Variants in DIS3L2 observed in about 807,000 individuals in gnomAD.
The protein encoded by DIS3L2 is DIS3 like 3'-5' exoribonuclease 2, also known as DIS3-like exonuclease 2.
Under a neutral mutation model 97.5 loss-of-function variants are expected in DIS3L2, and 34 were observed. That is an observed-to-expected ratio of 0.35 (90% CI 0.27 to 0.46). The LOEUF is 0.46. Among genes scored for constraint, DIS3L2 ranks in the 20% least tolerant of loss-of-function variants. The probability of loss-of-function intolerance (pLI) is 1.00; values close to 1 mark genes in which losing one functional copy is unlikely to be tolerated. For missense variants in DIS3L2, 1,038 were observed against 1,146.0 expected, an observed-to-expected ratio of 0.91 and a Z score of 1.36; for synonymous variants, 435 against 445.2, an observed-to-expected ratio of 0.98 and a Z score of 0.29.
intron 5 of DIS3L2, among the ~76,000 whole-genome samples, chr2:232,035,395 T>C (rs1694923297): frequency 6.6e-6 from 1 of 152,234 alleles, no homozygotes; most frequent in Admixed American, 6.5e-5. Context: ...TGTGTGTCTC[T>C]GCACGTGAGA....
At chr2:231,995,790 T>A (rs1184713219) in intron 1 of DIS3L2, among the ~76,000 whole-genome samples, 9 of 152,202 alleles carry the variant, frequency 5.9e-5, no homozygotes. Context: ...ATTCAATAAT[T>A]CAGTATCAGG....
At chr2:232,070,936 C>T (rs1695998552) in intron 5 of DIS3L2, among the ~76,000 whole-genome samples, 1 of 152,076 alleles carries the variant, frequency 6.6e-6, no homozygotes, top group Non-Finnish European at 1.5e-5. Flanking sequence ...AGAGAGGGCA[C>T]ATGTTACAGA....
intron 10 of DIS3L2, among the ~76,000 whole-genome samples, chr2:232,227,009 C>A (rs1221683363): frequency 3.3e-5 from 5 of 151,472 alleles, no homozygotes; most frequent in South Asian, 2.1e-4. Flanking sequence ...CAAAAAAAAA[C>A]CCAGGAAATT....
At chr2:232,091,900 A>G (rs1015571955) in intron 6 of DIS3L2, among the ~76,000 whole-genome samples, 1 of 152,172 alleles carries the variant, frequency 6.6e-6, no homozygotes, top group African/African-American at 2.4e-5. Context: ...CTGATCATCA[A>G]TGATGTTGAG....
At chr2:232,323,036 G>A (rs1695479169) in intron 14 of DIS3L2, among the ~76,000 whole-genome samples, 1 of 152,258 alleles carries the variant, frequency 6.6e-6, no homozygotes, top group Non-Finnish European at 1.5e-5. Flanking sequence ...GACTCCCCCA[G>A]GTGGCCAGGC....
In DIS3L2 at chr2:232,064,036, TA is replaced by T. The variant is rs1257692629; in HGVS notation, c.367-23442del. On this transcript the variant is annotated intron_variant, in intron 5 of 20. Transcript: ENST00000325385. ...ATGCTGAGTTTGCTTGGCTTTGGTA[TA>T]AAAAAAAATTTATTTGGTTCATATA... Among the ~76,000 whole-genome samples, 9 of 151,874 alleles carry T rather than the reference TA, an allele frequency of 5.9e-5. No individual in the cohort carries two copies. In the East Asian group the frequency reaches 1.2e-3, roughly 20 times the overall value.
At chr2:232,167,426 A>C (rs183402657) in intron 9 of DIS3L2, among the ~76,000 whole-genome samples, 3 of 152,290 alleles carry the variant, frequency 2.0e-5, no homozygotes, top group Admixed American at 2.0e-4. Flanking sequence ...AATATTCTTT[A>C]TTTATTAAAA....
At chr2:232,332,461 T>C (rs2741258) in intron 16 of DIS3L2, among the ~76,000 whole-genome samples, 26,266 of 137,894 alleles carry the variant, frequency 0.19, 2,484 homozygotes, top group African/African-American at 0.26. Context: ...CAGAGAGACA[T>C]ACAGGCGTGA....
chr2:232,081,409 C>T (rs1409442565), intron 5 of DIS3L2, among the ~76,000 whole-genome samples: 1 of 152,180 alleles, frequency 6.6e-6, no homozygotes, highest in Non-Finnish European at 1.5e-5. Context: ...TTACAACTTA[C>T]TGGTTTTAGC....
chr2:232,065,912 T>C (rs1695841312), intron 5 of DIS3L2, among the ~76,000 whole-genome samples: 1 of 151,946 alleles, frequency 6.6e-6, no homozygotes, highest in East Asian at 1.9e-4. Flanking sequence ...ATTCATGTTT[T>C]TGATACTATG....
intron 5 of DIS3L2, among the ~76,000 whole-genome samples, chr2:232,077,302 C>CAA (rs59216318): frequency 1.4e-5 from 2 of 140,432 alleles, no homozygotes; most frequent in Non-Finnish European, 3.1e-5. Context: ...TTTTACCTTC[C>CAA]AAAAAAAAAA....
At chr2:232,265,648 AAAG>A (rs1693835994) in intron 13 of DIS3L2, among the ~76,000 whole-genome samples, 1 of 152,252 alleles carries the variant, frequency 6.6e-6, no homozygotes, top group Admixed American at 6.5e-5. Context: ...CGAACATAAA[AAAG>A]AAGCTGTTGT....
At chr2:232,177,100 C>T (rs1439336446) in intron 9 of DIS3L2, among the ~76,000 whole-genome samples, 2 of 147,456 alleles carry the variant, frequency 1.4e-5, no homozygotes, top group Non-Finnish European at 3.0e-5. Flanking sequence ...ATGATGGTTT[C>T]CAATTTCATC....
intron 9 of DIS3L2, among the ~76,000 whole-genome samples, chr2:232,171,585 C>A (rs1426512549): frequency 6.6e-6 from 1 of 152,140 alleles, no homozygotes; most frequent in Admixed American, 6.5e-5. Context: ...AATCTCAGTT[C>A]TTCGATGGCC....
At chr2:231,992,973 C>T (rs1456788278) in intron 1 of DIS3L2, among the ~76,000 whole-genome samples, 1 of 152,096 alleles carries the variant, frequency 6.6e-6, no homozygotes, top group African/African-American at 2.4e-5. Context: ...CGATATTCTT[C>T]CTAGGCTGAT....
chr2:232,255,849 T>C (rs978191488), intron 12 of DIS3L2, among the ~76,000 whole-genome samples: 3 of 152,216 alleles, frequency 2.0e-5, no homozygotes, highest in African/African-American at 7.2e-5. Flanking sequence ...GGGTCATTCT[T>C]GACTTTGGTC....
chr2:232,190,399 G>A (rs1357578705), intron 9 of DIS3L2, among the ~76,000 whole-genome samples: 1 of 152,132 alleles, frequency 6.6e-6, no homozygotes, highest in Non-Finnish European at 1.5e-5. Flanking sequence ...CTCAGTTGGG[G>A]GATATGCCTA....
intron 1 of DIS3L2, among the ~76,000 whole-genome samples, chr2:231,963,138 C>A (rs965596890): frequency 1.3e-5 from 2 of 152,170 alleles, no homozygotes; most frequent in African/African-American, 4.8e-5. Flanking sequence ...TCTTTAAGTT[C>A]TTTGAGAAAT....
In DIS3L2 at chr2:232,062,111, C is replaced by T. The variant is rs114218560; in HGVS notation, c.367-25376C>T. ...TACGGGGCGGGCTGGGTTGGGGGGC[C>T]GCTATGCCGAGATGAAGGAAAGTCG... is the stretch of plus-strand genomic sequence containing the variant. On this transcript the variant is annotated intron_variant, in intron 5 of 20. Coordinates refer to ENST00000325385, the MANE Select transcript of DIS3L2 (RefSeq NM_152383.5). Among the ~76,000 whole-genome samples, 482 of 152,124 alleles carry T rather than the reference C, an allele frequency of 3.2e-3. 3 individuals are homozygous for T. The highest frequency in any genetic ancestry group is 4.7e-3 in the Non-Finnish European group (322 of 68,002).
Sources: allele counts gnomAD v4.1 joint callset (sites outside exome capture counted in the v4.1 genomes callset), GRCh38; gene constraint gnomAD v4.1.1; transcripts MANE v1.5; gene names NCBI Gene and HGNC (gene_info 2026-07-23, HGNC 2026-07-21).